WBP4: variants seen among roughly 807,000 people sequenced by gnomAD.
WBP4 encodes WW domain-binding protein 4.
WBP4 carries 37 observed loss-of-function variants against 55.4 expected under a neutral mutation model. That is an observed-to-expected ratio of 0.67 (90% CI 0.51 to 0.88). The LOEUF (loss-of-function observed/expected upper bound fraction) is 0.88, where lower values mean the gene tolerates loss of function less well. Ranked by LOEUF, WBP4 falls within the 40% of genes least tolerant of loss-of-function variation. The probability of loss-of-function intolerance (pLI) is 0.00; values close to 1 mark genes in which losing one functional copy is unlikely to be tolerated. For synonymous variants in WBP4, 142 were observed against 140.2 expected (o/e 1.01, Z -0.09); for missense variants, 398 against 420.8 (o/e 0.95, Z 0.47).
intron 4 of WBP4, 26 bp downstream of exon 4, chr13:41,065,313 A>T: frequency 6.6e-7 from 1 of 1,517,800 alleles, no homozygotes. Context: ...AAAAAAAAGC[A>T]GCCAGCATGT....
rs1878853698 is a variant in WBP4 at position 41,083,026 on chromosome 13, T to G, written c.*112T>G. The G allele has an allele frequency of 9.9e-7, 1 of 1,008,468 alleles. No homozygotes were observed. Among genetic ancestry groups the G allele is most frequent in the Non-Finnish European group, 1.4e-6 (1 of 699,686 alleles). The allele number at this position is 1,008,468 out of a possible 1,614,324, so 62.5% of individuals were successfully genotyped here. A position where few individuals can be genotyped will look rare whatever the true frequency, so the allele number is the denominator to read the frequency against. ...TGATGCTAAAAATTTAGATTTATTC[T>G]AAATGTATTTGATGTGAATTAAAAT... is the stretch of plus-strand genomic sequence containing the variant. On this transcript the variant is annotated 3_prime_UTR_variant, in exon 10 of 10. Transcript: ENST00000379487.
rs189200350 is a variant in WBP4 at position 41,063,247 on chromosome 13, T to C, written c.75+531T>C. Among the ~76,000 whole-genome samples, 8 of 152,318 alleles carry C rather than the reference T, an allele frequency of 5.3e-5. No individual in the cohort carries two copies. In the East Asian group the frequency reaches 1.5e-3, roughly 29 times the overall value. ...CATAGTTGAGATCCAGTTTTGAAGA[T>C]GTAAAGCAAAAAGCACACCGCTGAT... On this transcript the variant is annotated intron_variant, in intron 2 of 9. Coordinates refer to ENST00000379487, the MANE Select transcript of WBP4 (RefSeq NM_007187.5).
chr13:41,081,619 CTTAA>C (rs1337524329), intron 9 of WBP4, among the ~76,000 whole-genome samples: 1 of 151,704 alleles, frequency 6.6e-6, no homozygotes, highest in Non-Finnish European at 1.5e-5. Context: ...AGTTTTATAA[CTTAA>C]AACAGCCTAT....
At chr13:41,069,705 CAAA>C (rs35819905) in intron 5 of WBP4, among the ~76,000 whole-genome samples, 6 of 75,866 alleles carry the variant, frequency 7.9e-5, no homozygotes, top group Non-Finnish European at 1.1e-4. Flanking sequence ...GACTCTGCCT[CAAA>C]AAAAAAAAAA....
chr13:41,072,045 CAAAAAAA>C (rs560903455), intron 6 of WBP4, among the ~76,000 whole-genome samples: 7 of 50,788 alleles, frequency 1.4e-4, no homozygotes, highest in African/African-American at 2.9e-4. Flanking sequence ...GACTCCGTCT[CAAAAAAA>C]AAAAAAAAAA....
In WBP4 at chr13:41,073,513, C is replaced by CAA. The variant is rs147840333; in HGVS notation, c.562+671_562+672dup. ...GGGCAACAAGAGCAAAACTCTGTCT[C>CAA]AAAAAAAAAAAAAAAAGTAGGCTAG... On this transcript the variant is annotated intron_variant, in intron 7 of 9. Transcript: ENST00000379487. Among the ~76,000 whole-genome samples, 133 of 112,200 alleles carry CAA rather than the reference C, an allele frequency of 1.2e-3. 1 individual carries two copies. The highest frequency in any genetic ancestry group is 4.1e-3 in the African/African-American group (125 of 30,336). 73.6% of individuals were successfully genotyped at this position (112,200 alleles called of 152,430 possible).
chr13:41,064,773 TA>T (rs1877870852), intron 2 of WBP4, among the ~76,000 whole-genome samples: 1 of 152,158 alleles, frequency 6.6e-6, no homozygotes, highest in Non-Finnish European at 1.5e-5. Context: ...TCTCCATTAA[TA>T]AGGTCATCAT....
rs35433682 is a variant in WBP4, at chr13:41,079,541, C to CAAA, written c.757-1086_757-1084dup. Among the ~76,000 whole-genome samples, 430 of 101,596 alleles carry CAAA rather than the reference C, an allele frequency of 4.2e-3. 3 individuals are homozygous for CAAA. Among genetic ancestry groups the CAAA allele is most frequent in the Non-Finnish European group, 6.8e-3 (347 of 51,122 alleles). 66.7% of individuals were successfully genotyped at this position (101,596 alleles called of 152,430 possible). ...TGGGTGACAGAGCAAGACTCCGTCT[C>CAAA]AAAAAAAAAAAAAAAAAAAAATCAG... On this transcript the variant is annotated intron_variant, in intron 8 of 9. Transcript: ENST00000379487.
Position 41,083,106 on chromosome 13 carries a change from T to C in WBP4, c.*192T>C. On this transcript the variant is annotated 3_prime_UTR_variant, in exon 10 of 10. Transcript: ENST00000379487. ...GTTCCTAAAATGGAAGCCTACCACA[T>C]TGCATTGTAATACAGTGTATTATGT... 1.7e-6 allele frequency: 1 copy of C among 575,666 alleles called. No homozygotes were observed. The highest frequency in any genetic ancestry group is 3.0e-6 in the Non-Finnish European group (1 of 334,804). 35.7% of individuals were successfully genotyped at this position (575,666 alleles called of 1,614,324 possible).
intron 7 of WBP4, among the ~76,000 whole-genome samples, chr13:41,073,698 C>G (rs1179409446): frequency 6.6e-6 from 1 of 151,770 alleles, no homozygotes; most frequent in East Asian, 2.0e-4. Flanking sequence ...GTCCCAGCTA[C>G]TCAGGAGGCT....
At chr13:41,082,163 A>G (rs1434751662) in intron 9 of WBP4, among the ~76,000 whole-genome samples, 1 of 152,150 alleles carries the variant, frequency 6.6e-6, no homozygotes, top group African/African-American at 2.4e-5. Flanking sequence ...AGTCTTCTAC[A>G]ATAGGAAAAT....
In WBP4 at chr13:41,076,196, G is replaced by A. The variant is rs761821607; in HGVS notation, c.715G>A (p.Gly239Arg). 1.1e-5 allele frequency: 18 copies of A among 1,612,122 alleles called. 1 individual carries two copies. The South Asian group carries it at 1.9e-4, about 17-fold the overall frequency. ...TGGGGAACAGGAAGCAGAAGAAGGA[G>A]GGGTCTCTACAGAGACAGAAAAGCC... ...SDGEQEAEEGGVSTETEKPKI... is the reference protein window; with the variant it reads ...SDGEQEAEEGRVSTETEKPKI... The change falls in exon 8 of 10, where the codon GGG becomes AGG. Residue 239 changes from glycine to arginine, a missense_variant. Gly to Arg is a moderately radical substitution (Grantham distance 125, BLOSUM62 -2). Transcript: ENST00000379487.
intron 7 of WBP4, among the ~76,000 whole-genome samples, chr13:41,073,234 C>G (rs1470573897): frequency 1.3e-5 from 2 of 152,170 alleles, no homozygotes; most frequent in African/African-American, 2.4e-5. Flanking sequence ...AAAACTGTGG[C>G]CGGGCACAGT....
At chr13:41,070,528 A>G (rs750820374) in intron 5 of WBP4, among the ~76,000 whole-genome samples, 3 of 151,734 alleles carry the variant, frequency 2.0e-5, no homozygotes, top group Non-Finnish European at 4.4e-5. Flanking sequence ...TAGATACGAG[A>G]TAAGGAACTG....
chr13:41,075,060 G>A (rs1290876095), intron 7 of WBP4, among the ~76,000 whole-genome samples: 14 of 152,152 alleles, frequency 9.2e-5, no homozygotes, highest in Non-Finnish European at 1.5e-5. Context: ...ATCCTGCCAA[G>A]AACTCTGTAT....
chr13:41,083,035 T>G lies in WBP4; in HGVS notation c.*121T>G. 1.1e-6 allele frequency: 1 copy of G among 931,602 alleles called. No homozygotes were observed. The highest frequency in any genetic ancestry group is 1.6e-6 in the Non-Finnish European group (1 of 636,844). 57.7% of individuals were successfully genotyped at this position (931,602 alleles called of 1,614,324 possible). On this transcript the variant is annotated 3_prime_UTR_variant, in exon 10 of 10. Transcript: ENST00000379487. ...AAATTTAGATTTATTCTAAATGTAT[T>G]TGATGTGAATTAAAATAAATATTTT... is the stretch of plus-strand genomic sequence containing the variant.
In WBP4 at chr13:41,061,543, CTGAG is replaced by C; in HGVS notation, c.-129_-126del. 1 of 1,427,230 alleles carries C rather than the reference CTGAG, an allele frequency of 7.0e-7. No homozygotes were observed. Among genetic ancestry groups the C allele is most frequent in the Non-Finnish European group, 9.7e-7 (1 of 1,026,722 alleles). The allele number at this position is 1,427,230 out of a possible 1,614,324, so 88.4% of individuals were successfully genotyped here. ...AACAGCGGAACGCTGGTCCCGGGGA[CTGAG>C]TAAGGTGTCTGGATCGGAGGGAGGT... On this transcript the variant is annotated 5_prime_UTR_variant, in exon 1 of 10. Coordinates refer to ENST00000379487, the MANE Select transcript of WBP4 (RefSeq NM_007187.5).
chr13:41,076,155 C>A lies in WBP4; in HGVS notation c.674C>A (p.Ser225Ter), dbSNP rs756465812. 6.2e-7 allele frequency: 1 copy of A among 1,612,124 alleles called. No individual in the cohort carries two copies. Among genetic ancestry groups the A allele is most frequent in the Non-Finnish European group, 8.5e-7 (1 of 1,179,872 alleles). ...CTAGATGAATCCAAATCATCAGATT[C>A]GCATAGTGATTCTGATGGGGAACAG... ...GTLDESKSSD[S>*]HSDSDGEQEA... is the part of the protein sequence containing the mutation. Residue 225 changes from serine to a stop codon, truncating the protein, a stop_gained, in exon 8 of 10, where the codon TCG (serine) becomes TAG (stop). Transcript: ENST00000379487. LOFTEE classifies it high-confidence loss of function.
chr13:41,070,624 CTAAT>C (rs750147241), intron 5 of WBP4, among the ~76,000 whole-genome samples: 19 of 152,060 alleles, frequency 1.2e-4, no homozygotes, highest in Admixed American at 2.6e-4. Context: ...CTTTTGGTAG[CTAAT>C]TGATGGTTAC....
Sources: allele counts gnomAD v4.1 joint callset (sites outside exome capture counted in the v4.1 genomes callset), GRCh38; gene constraint gnomAD v4.1.1; transcripts MANE v1.5; gene names NCBI Gene and HGNC (gene_info 2026-07-23, HGNC 2026-07-21).